DMXL1: variants seen among roughly 807,000 people sequenced by gnomAD.
DMXL1 encodes dmX-like protein 1.
Under a neutral mutation model 319.2 loss-of-function variants are expected in DMXL1, and 99 were observed. The observed-to-expected ratio is 0.31, with a 90% CI of 0.26 to 0.37. DMXL1 has a LOEUF of 0.37. Among genes scored for constraint, DMXL1 ranks in the 10% least tolerant of loss-of-function variants. The pLI, the probability that DMXL1 is intolerant of heterozygous loss-of-function variation, is 1.00. For synonymous variants in DMXL1, 1,385 were observed against 1,235.2 expected (o/e 1.12, Z -2.54); for missense variants, 3,745 against 3,595.6 (o/e 1.04, Z -1.06).
chr5:119,193,019 T>C (rs139817773), intron 29 of DMXL1, among the ~76,000 whole-genome samples: 50 of 152,322 alleles, frequency 3.3e-4, no homozygotes, highest in African/African-American at 1.2e-3. Context: ...TACTTGTCTC[T>C]AGCTTCATTA....
intron 19 of DMXL1, among the ~76,000 whole-genome samples, chr5:119,161,131 A>T (rs1237241686): frequency 6.6e-6 from 1 of 152,174 alleles, no homozygotes; most frequent in Admixed American, 6.5e-5. Flanking sequence ...GCCTCTGATT[A>T]TGCGTGGTTC....
chr5:119,072,469 T>G (rs1222720156), intron 1 of DMXL1, among the ~76,000 whole-genome samples: 1 of 152,154 alleles, frequency 6.6e-6, no homozygotes, highest in Admixed American at 6.6e-5. Context: ...TGTAGATACC[T>G]CTTTAGTTGT....
At chr5:119,076,693 A>G (rs760993095) in intron 1 of DMXL1, among the ~76,000 whole-genome samples, 16 of 152,216 alleles carry the variant, frequency 1.1e-4, no homozygotes, top group Non-Finnish European at 1.8e-4. Flanking sequence ...TTTAAATAGG[A>G]CATATACCAG....
At chr5:119,224,117 A>G (rs1193981845) in intron 37 of DMXL1, among the ~76,000 whole-genome samples, 2 of 152,086 alleles carry the variant, frequency 1.3e-5, no homozygotes, top group African/African-American at 4.8e-5. Flanking sequence ...AGGCTAATTG[A>G]ACCATTTAAA....
At chr5:119,138,603 C>A (rs1766569622) in intron 13 of DMXL1, among the ~76,000 whole-genome samples, 4 of 152,140 alleles carry the variant, frequency 2.6e-5, no homozygotes, top group Non-Finnish European at 5.9e-5. Context: ...CTTTTGGAGG[C>A]CGTGGCAGGT....
chr5:119,123,447 A>C (rs1185441171), intron 9 of DMXL1, among the ~76,000 whole-genome samples: 1 of 130,530 alleles, frequency 7.7e-6, no homozygotes, highest in African/African-American at 3.0e-5. Context: ...GAGGGAGAGG[A>C]GGGAGAGGAG....
At position 119,149,712 on chromosome 5, in the gene DMXL1, A is replaced by C; in HGVS notation, c.3885A>C (p.Gly1295=). 6.2e-7 allele frequency: 1 copy of C among 1,614,050 alleles called. No homozygotes were observed. Among genetic ancestry groups the C allele is most frequent in the Non-Finnish European group, 8.5e-7 (1 of 1,179,952 alleles). ...CCAGTCTTGCACAGAAAATCTGTGG[A>C]AAGAAAACTGCATTCGATCCTTCAG... ...SMTSLAQKIC[G]KKTAFDPSVD... The change falls in exon 18 of 44, where the codon GGA becomes GGC. Residue 1295 remains glycine, a synonymous_variant. Transcript: ENST00000539542.
At chr5:119,220,633 A>G in intron 36 of DMXL1, 40 bp downstream of exon 36, 2 of 1,596,450 alleles carry the variant, frequency 1.3e-6, no homozygotes, top group South Asian at 1.1e-5. Context: ...ATGTTGCAAT[A>G]TGAGTGACTA....
Position 119,134,248 on chromosome 5 carries a change from T to C in DMXL1, c.2255-20T>C, listed in dbSNP as rs1765525221. On this transcript the variant is annotated intron_variant, in intron 12 of 43. Transcript: ENST00000539542. ...TTATCATCAAAGGGTGAAATTTTAATATTTGTAAATACTTTCTAGGTGCAT... is the reference window on the plus strand; with the variant it reads ...TTATCATCAAAGGGTGAAATTTTAACATTTGTAAATACTTTCTAGGTGCAT... The C allele has an allele frequency of 1.9e-6, 3 of 1,602,978 alleles. No individual in the cohort carries two copies. Among genetic ancestry groups the C allele is most frequent in the African/African-American group, 1.4e-5 (1 of 74,044 alleles).
rs146052027 is a variant in DMXL1 at position 119,075,725 on chromosome 5, T to TAA, written c.87+4078_87+4079dup. On this transcript the variant is annotated intron_variant, in intron 1 of 43. Transcript: ENST00000539542. ...AGTATGTGAGAAATCTGGTCTTTTT[T>TAA]AAAAAAAAAACAAAAAAAAATGGAG... 1.1e-3 allele frequency among the ~76,000 whole-genome samples: 163 copies of TAA among 147,158 alleles called. 1 individual carries two copies. The highest frequency in any genetic ancestry group is 3.9e-3 in the African/African-American group (157 of 40,214).
At chr5:119,246,630 CTTTTTTTTTT>C (rs11284492) in intron 43 of DMXL1, among the ~76,000 whole-genome samples, 3 of 70,386 alleles carry the variant, frequency 4.3e-5, no homozygotes, top group Non-Finnish European at 9.0e-5. Context: ...TTTTCTTTTC[CTTTTTTTTTT>C]TTTTTTTTTT....
In DMXL1 at chr5:119,171,043, G is replaced by A. The variant is rs1186630114; in HGVS notation, c.6252G>A (p.Gln2084=). The change falls in exon 24 of 44, where the codon CAG becomes CAA. Residue 2084 remains glutamine, a synonymous_variant. Transcript: ENST00000539542. ...TTTGCTCAGATGCTGAAGAACTACAGTCTGCATTTGGCAGAAATGAAGATG... is the reference window on the plus strand; with the variant it reads ...TTTGCTCAGATGCTGAAGAACTACAATCTGCATTTGGCAGAAATGAAGATG... ...CDFCSDAEEL[Q]SAFGRNEDEF... The A allele has an allele frequency of 1.2e-6, 2 of 1,613,800 alleles. No individual in the cohort carries two copies. Among genetic ancestry groups the A allele is most frequent in the East Asian group, 2.2e-5 (1 of 44,874 alleles).
intron 32 of DMXL1, among the ~76,000 whole-genome samples, chr5:119,202,440 AG>A (rs965895167): frequency 2.0e-5 from 3 of 152,218 alleles, no homozygotes; most frequent in African/African-American, 7.2e-5. Flanking sequence ...GCAAGTTGAC[AG>A]TCCCTAATTC....
intron 34 of DMXL1, among the ~76,000 whole-genome samples, chr5:119,212,035 A>T (rs1206587422): frequency 6.6e-6 from 1 of 152,164 alleles, no homozygotes; most frequent in Non-Finnish European, 1.5e-5. Context: ...TTTCTGCATA[A>T]TTCCTTTTTG....
chr5:119,112,560 G>C (rs933503717), intron 5 of DMXL1, among the ~76,000 whole-genome samples: 1 of 152,206 alleles, frequency 6.6e-6, no homozygotes, highest in Admixed American at 6.5e-5. Context: ...AGAATTTACA[G>C]AGGAGATTTC....
intron 34 of DMXL1, among the ~76,000 whole-genome samples, chr5:119,211,558 T>C (rs1405200483): frequency 6.6e-6 from 1 of 152,132 alleles, no homozygotes; most frequent in Non-Finnish European, 1.5e-5. Flanking sequence ...TGCCTCTCCT[T>C]CTTCTGCTAT....
At chr5:119,234,731 T>C (rs769330110) in intron 39 of DMXL1, among the ~76,000 whole-genome samples, 6 of 152,174 alleles carry the variant, frequency 3.9e-5, no homozygotes, top group Non-Finnish European at 7.4e-5. Context: ...ATATTGCTCC[T>C]AACTAATCTC....
intron 19 of DMXL1, among the ~76,000 whole-genome samples, chr5:119,161,134 C>T (rs972706583): frequency 6.6e-6 from 1 of 152,154 alleles, no homozygotes; most frequent in Non-Finnish European, 1.5e-5. Flanking sequence ...TCTGATTATG[C>T]GTGGTTCAGC....
At chr5:119,097,646 G>GGCGGAACTTGGAGTGAGCCGAGATT (rs1756284070) in intron 1 of DMXL1, among the ~76,000 whole-genome samples, 1 of 152,208 alleles carries the variant, frequency 6.6e-6, no homozygotes, top group African/African-American at 2.4e-5. Context: ...GAACCTGGGA[G>GGCGGAACTTGGAGTGAGCCGAGATT]GCGGAACTTG....
Sources: allele counts gnomAD v4.1 joint callset (sites outside exome capture counted in the v4.1 genomes callset), GRCh38; gene constraint gnomAD v4.1.1; transcripts MANE v1.5; gene names NCBI Gene and HGNC (gene_info 2026-07-23, HGNC 2026-07-21).